The following RABGAP1L variants were observed in gnomAD, a reference collection of about 807,000 sequenced individuals.
RABGAP1L encodes rab GTPase-activating protein 1-like.
RABGAP1L carries 63 observed loss-of-function variants against 137.7 expected under a neutral mutation model. The ratio of observed to expected loss-of-function variants is 0.46; its 90% CI spans 0.37 to 0.56. The LOEUF is 0.56. RABGAP1L is among the 20% of genes least tolerant of loss of function. The pLI is 0.00. For synonymous variants in RABGAP1L, 431 were observed against 433.7 expected (o/e 0.99, Z 0.08); for missense variants, 1,095 against 1,244.0 (o/e 0.88, Z 1.80).
chr1:174,286,734 T>A (rs148634096), intron 10 of RABGAP1L, among the ~76,000 whole-genome samples: 143 of 152,206 alleles, frequency 9.4e-4, no homozygotes, highest in African/African-American at 3.1e-3. Context: ...ATCCCATAAG[T>A]TTTGGTATGT....
rs1305490616 is a variant in RABGAP1L at position 174,547,870 on chromosome 1, A to T, written c.1711-89505A>T. ...GAAATTTAGTCTTACACCGAGACAG[A>T]CTATTCACCTAGTTAAATATGAAGG... On this transcript the variant is annotated intron_variant, in intron 13 of 25. Coordinates refer to ENST00000681986, the MANE Select transcript of RABGAP1L (RefSeq NM_001366446.1). 8 of 1,542,630 alleles carry T rather than the reference A, an allele frequency of 5.2e-6. No individual in the cohort carries two copies. The African/African-American group carries it at 9.6e-5, about 19-fold the overall frequency.
rs77305436 is a variant in RABGAP1L at position 174,623,017 on chromosome 1, T to C, written c.1711-14358T>C. On this transcript the variant is annotated intron_variant, in intron 13 of 25. Transcript: ENST00000681986. ...ATAGTTATGTGATCAACTTTTCACT[T>C]AATATTCTTCCTTGCACTGATCTGA... Among the ~76,000 whole-genome samples, 1,350 of 152,330 alleles carry C rather than the reference T, an allele frequency of 8.9e-3. 24 individuals carry two copies. Among genetic ancestry groups the C allele is most frequent in the African/African-American group, 0.031 (1,303 of 41,580 alleles).
At chr1:174,769,525 C>G (rs1685946181) in intron 18 of RABGAP1L, among the ~76,000 whole-genome samples, 1 of 152,126 alleles carries the variant, frequency 6.6e-6, no homozygotes, top group Non-Finnish European at 1.5e-5. Context: ...CCTCTATCCC[C>G]CTAGCCTGGT....
chr1:174,397,999 C>A (rs1469518238), intron 13 of RABGAP1L, among the ~76,000 whole-genome samples: 2 of 152,124 alleles, frequency 1.3e-5, no homozygotes, highest in African/African-American at 4.8e-5. Context: ...AGATACAAAT[C>A]TGAACCAGCC....
chr1:174,806,327 TG>T (rs1689294495), intron 18 of RABGAP1L, among the ~76,000 whole-genome samples: 1 of 152,242 alleles, frequency 6.6e-6, no homozygotes, highest in African/African-American at 2.4e-5. Context: ...TGTGCAGGCA[TG>T]GTAGCTCACT....
intron 13 of RABGAP1L, among the ~76,000 whole-genome samples, chr1:174,440,389 G>A (rs1208347769): frequency 6.6e-6 from 1 of 152,182 alleles, no homozygotes; most frequent in African/African-American, 2.4e-5. Flanking sequence ...CACATTGGAA[G>A]CCACTACAGG....
intron 14 of RABGAP1L, among the ~76,000 whole-genome samples, chr1:174,681,585 G>A (rs1241243813): frequency 6.6e-6 from 1 of 152,220 alleles, no homozygotes; most frequent in Non-Finnish European, 1.5e-5. Context: ...AGAGAGGCAT[G>A]GGGGAACATT....
At chr1:174,366,115 A>T (rs1308372493) in intron 11 of RABGAP1L, among the ~76,000 whole-genome samples, 8 of 152,226 alleles carry the variant, frequency 5.3e-5, no homozygotes, top group Non-Finnish European at 1.2e-4. Flanking sequence ...CTTCTCAAGA[A>T]GTCTAGCACT....
At chr1:174,213,014 C>A (rs566195076) in intron 1 of RABGAP1L, among the ~76,000 whole-genome samples, 3 of 152,252 alleles carry the variant, frequency 2.0e-5, no homozygotes, top group Admixed American at 2.0e-4. Context: ...CTCAACAGAC[C>A]AATAACAAGT....
At chr1:174,935,679 G>C (rs934127183) in intron 19 of RABGAP1L, among the ~76,000 whole-genome samples, 1 of 151,982 alleles carries the variant, frequency 6.6e-6, no homozygotes, top group African/African-American at 2.4e-5. Flanking sequence ...GCCCAGTGAG[G>C]GTTGGTAAAG....
intron 17 of RABGAP1L, among the ~76,000 whole-genome samples, chr1:174,731,517 A>AT (rs375018669): frequency 7.9e-5 from 12 of 152,052 alleles, no homozygotes; most frequent in East Asian, 3.9e-4. Flanking sequence ...CTTTTGAGGT[A>AT]TTTTTTTTCT....
intron 15 of RABGAP1L, among the ~76,000 whole-genome samples, chr1:174,694,132 A>T (rs1250016017): frequency 6.6e-6 from 1 of 152,216 alleles, no homozygotes; most frequent in East Asian, 1.9e-4. Flanking sequence ...GTAATGTTAT[A>T]TGCAAATATA....
At chr1:174,514,016 G>A (rs992082281) in intron 13 of RABGAP1L, among the ~76,000 whole-genome samples, 2 of 152,034 alleles carry the variant, frequency 1.3e-5, no homozygotes, top group African/African-American at 4.8e-5. Flanking sequence ...AGCACTGAAT[G>A]CTGCTGTTCT....
intron 17 of RABGAP1L, among the ~76,000 whole-genome samples, chr1:174,703,503 G>A (rs1453310548): frequency 6.6e-6 from 1 of 152,076 alleles, no homozygotes; most frequent in Non-Finnish European, 1.5e-5. Context: ...GACACTTAAC[G>A]CTGATTTTGC....
In RABGAP1L at chr1:174,253,816, G is replaced by A. The variant is rs901245218; in HGVS notation, c.986+1226G>A. 1.9e-4 allele frequency among the ~76,000 whole-genome samples: 29 copies of A among 152,130 alleles called. 1 individual carries two copies. The highest frequency in any genetic ancestry group is 7.0e-4 in the African/African-American group (29 of 41,430). On this transcript the variant is annotated intron_variant, in intron 7 of 25. Coordinates refer to ENST00000681986, the MANE Select transcript of RABGAP1L (RefSeq NM_001366446.1). ...GTATTATTTTTAGTGGCAAAAACTG[G>A]AAATACAGATGCCTATTTGGCTTCA...
chr1:174,435,826 C>T (rs1653217020), intron 13 of RABGAP1L, among the ~76,000 whole-genome samples: 1 of 139,364 alleles, frequency 7.2e-6, no homozygotes, highest in Non-Finnish European at 1.5e-5. Context: ...CCACAACCGT[C>T]CCCGGTGTGT....
At chr1:174,268,202 ATT>A (rs371429395) in intron 7 of RABGAP1L, among the ~76,000 whole-genome samples, 8 of 137,150 alleles carry the variant, frequency 5.8e-5, no homozygotes, top group East Asian at 4.2e-4. Flanking sequence ...TCACTTTTTC[ATT>A]TTTTTTTTTT....
Position 174,597,598 on chromosome 1 carries a change from T to C in RABGAP1L, c.1711-39777T>C, listed in dbSNP as rs1229134517. Reference sequence around the variant, plus strand: ...GATTTTATTTATTTGTCTTCTCTCTTTTTTTCTTAATCTTCCTACAGGTTT... The same window carrying C: ...GATTTTATTTATTTGTCTTCTCTCTCTTTTTCTTAATCTTCCTACAGGTTT... On this transcript the variant is annotated intron_variant, in intron 13 of 25. Transcript: ENST00000681986. 3.9e-5 allele frequency among the ~76,000 whole-genome samples: 6 copies of C among 152,076 alleles called. No individual in the cohort carries two copies. The East Asian group carries it at 1.2e-3, about 29-fold the overall frequency.
chr1:174,802,291 T>C (rs2148826253), intron 18 of RABGAP1L, among the ~76,000 whole-genome samples: 1 of 152,292 alleles, frequency 6.6e-6, no homozygotes, highest in East Asian at 1.9e-4. Context: ...TAAGTAATAA[T>C]GCCACCTGCA....
Sources: gnomAD v4.1 joint callset for allele counts (sites outside exome capture counted in the v4.1 genomes callset) on GRCh38, gnomAD v4.1.1 for gene constraint, MANE v1.5 for transcripts, NCBI Gene and HGNC (gene_info 2026-07-23, HGNC 2026-07-21) for gene names.